The following CNBD1 variants were observed in gnomAD, a reference collection of about 807,000 sequenced individuals.
CNBD1 encodes cyclic nucleotide binding domain containing 1.
A neutral mutation model predicts 54.4 loss-of-function variants in CNBD1; 71 were observed. That is an observed-to-expected ratio of 1.30 (90% CI 1.08 to 1.59). The LOEUF is 1.59. Ranked by LOEUF, CNBD1 falls within the 40% of genes most tolerant of loss-of-function variation. The probability of loss-of-function intolerance (pLI) is 0.00; values close to 1 mark genes in which losing one functional copy is unlikely to be tolerated. For missense variants in CNBD1, 659 were observed against 518.0 expected, an observed-to-expected ratio of 1.27 and a Z score of -2.64; for synonymous variants, 182 against 170.7, an observed-to-expected ratio of 1.07 and a Z score of -0.51.
intron 6 of CNBD1, among the ~76,000 whole-genome samples, chr8:87,281,580 ATATATATATATATATATATAT>A: frequency 1.9e-4 from 7 of 35,944 alleles, no homozygotes; most frequent in South Asian, 6.5e-4. Context: ...ATATATATAT[ATATATATATATATATATATAT>A]AACTAATTTT....
chr8:86,940,564 G>A (rs1809636880), intron 4 of CNBD1, among the ~76,000 whole-genome samples: 1 of 152,144 alleles, frequency 6.6e-6, no homozygotes. Context: ...CTGAGTGTAG[G>A]CTGATTACCA....
intron 4 of CNBD1, among the ~76,000 whole-genome samples, chr8:86,963,696 A>G (rs553796299): frequency 1.3e-5 from 2 of 152,262 alleles, no homozygotes; most frequent in African/African-American, 4.8e-5. Flanking sequence ...TCATGCTAAG[A>G]GAGGAGGCGG....
chr8:86,926,129 G>A (rs1006878784), intron 3 of CNBD1, among the ~76,000 whole-genome samples: 12 of 152,202 alleles, frequency 7.9e-5, no homozygotes, highest in African/African-American at 2.6e-4. Context: ...GCTGATTGGT[G>A]CATTTTACAA....
intron 4 of CNBD1, among the ~76,000 whole-genome samples, chr8:87,034,459 A>G (rs1809863525): frequency 6.6e-6 from 1 of 152,230 alleles, no homozygotes; most frequent in Admixed American, 6.5e-5. Context: ...CAGCTACACA[A>G]TTATTACAGT....
At chr8:86,885,255 T>C (rs1308603605) in intron 1 of CNBD1, among the ~76,000 whole-genome samples, 5 of 152,224 alleles carry the variant, frequency 3.3e-5, no homozygotes. Context: ...TAAATGATCA[T>C]CAATATAACA....
At chr8:87,256,934 A>C (rs11776759) in intron 6 of CNBD1, among the ~76,000 whole-genome samples, 42,368 of 151,456 alleles carry the variant, frequency 0.28, 6,380 homozygotes, top group African/African-American at 0.39. Flanking sequence ...TTCGGGTTCT[A>C]GATTGTGAAG....
intron 4 of CNBD1, among the ~76,000 whole-genome samples, chr8:87,193,250 A>G (rs2130787454): frequency 6.6e-6 from 1 of 152,340 alleles, no homozygotes; most frequent in Non-Finnish European, 1.5e-5. Flanking sequence ...TTTGACCAAT[A>G]TTAAAAGAAT....
chr8:87,160,112 A>C (rs964210996), intron 4 of CNBD1, among the ~76,000 whole-genome samples: 1 of 152,010 alleles, frequency 6.6e-6, no homozygotes, highest in Non-Finnish European at 1.5e-5. Context: ...TAATATTTGG[A>C]AGATGATTAT....
intron 4 of CNBD1, among the ~76,000 whole-genome samples, chr8:87,007,191 C>G (rs1809120783): frequency 6.7e-6 from 1 of 150,126 alleles, no homozygotes; most frequent in Non-Finnish European, 1.5e-5. Context: ...GAGTGAAACT[C>G]CATCTCAGAA....
chr8:87,191,551 C>CT (rs1317254995), intron 4 of CNBD1, among the ~76,000 whole-genome samples: 23 of 152,146 alleles, frequency 1.5e-4, no homozygotes, highest in Non-Finnish European at 2.2e-4. Context: ...CACCTGTCAA[C>CT]TTTTTTTCTT....
At chr8:86,869,005 AG>A (rs144973690) in intron 1 of CNBD1, among the ~76,000 whole-genome samples, 1,902 of 152,120 alleles carry the variant, frequency 0.013, 32 homozygotes, top group Middle Eastern at 0.041. Flanking sequence ...TTGAAGATGG[AG>A]GGGGGACAAA....
At chr8:87,288,871 T>G (rs1306513809) in intron 8 of CNBD1, among the ~76,000 whole-genome samples, 1 of 152,136 alleles carries the variant, frequency 6.6e-6, no homozygotes, top group Non-Finnish European at 1.5e-5. Flanking sequence ...CATCTGATAA[T>G]CATCAAAGCC....
chr8:86,926,226 T>C (rs947112263), intron 3 of CNBD1, among the ~76,000 whole-genome samples: 2 of 152,088 alleles, frequency 1.3e-5, no homozygotes, highest in Non-Finnish European at 2.9e-5. Flanking sequence ...CCCTCTCAAC[T>C]GCTGTTGAGA....
At chr8:87,164,094 A>G (rs1484767304) in intron 4 of CNBD1, among the ~76,000 whole-genome samples, 1 of 151,906 alleles carries the variant, frequency 6.6e-6, no homozygotes, top group Non-Finnish European at 1.5e-5. Context: ...GTGGTATATT[A>G]CATTGTTGAT....
At chr8:86,894,131 G>C (rs1325315984) in intron 2 of CNBD1, among the ~76,000 whole-genome samples, 1 of 118,522 alleles carries the variant, frequency 8.4e-6, no homozygotes, top group Non-Finnish European at 1.6e-5. Flanking sequence ...GCGCAATCTC[G>C]GCTCACTGCA....
intron 3 of CNBD1, among the ~76,000 whole-genome samples, chr8:86,921,359 G>A (rs1247735378): frequency 6.6e-6 from 1 of 151,612 alleles, no homozygotes; most frequent in Non-Finnish European, 1.5e-5. Flanking sequence ...TTTTAAGTCA[G>A]CCCTATAGTT....
intron 6 of CNBD1, among the ~76,000 whole-genome samples, chr8:87,265,014 C>A (rs937763999): frequency 1.1e-4 from 16 of 152,122 alleles, no homozygotes; most frequent in Non-Finnish European, 1.5e-4. Flanking sequence ...ATTAGATCCC[C>A]TTTGTCAATT....
chr8:87,201,797 T>G (rs574143296), intron 4 of CNBD1, among the ~76,000 whole-genome samples: 1 of 152,326 alleles, frequency 6.6e-6, no homozygotes, highest in Admixed American at 6.5e-5. Flanking sequence ...AGTCTCATTC[T>G]GTCGCCCAGG....
chr8:87,024,032 T>C (rs932670599), intron 4 of CNBD1, among the ~76,000 whole-genome samples: 7 of 151,648 alleles, frequency 4.6e-5, no homozygotes, highest in Non-Finnish European at 2.9e-5. Context: ...GGTCTGGAGA[T>C]CAAGACCATC....
Sources: allele counts gnomAD v4.1 joint callset (sites outside exome capture counted in the v4.1 genomes callset), GRCh38; gene constraint gnomAD v4.1.1; transcripts MANE v1.5; gene names NCBI Gene and HGNC (gene_info 2026-07-23, HGNC 2026-07-21).